PRMT8: variants seen among roughly 807,000 people sequenced by gnomAD.
The protein encoded by PRMT8 is protein arginine N-methyltransferase 8.
In PRMT8, 7 loss-of-function variants were observed where a neutral mutation model predicts 47.1. The observed-to-expected ratio is 0.15, with a 90% CI of 0.08 to 0.28. The LOEUF is 0.28. Ranked by LOEUF, PRMT8 falls within the 10% of genes least tolerant of loss-of-function variation. The pLI, the probability that PRMT8 is intolerant of heterozygous loss-of-function variation, is 1.00. For synonymous variants in PRMT8, 188 were observed against 186.5 expected, an observed-to-expected ratio of 1.01 and a Z score of -0.07; for missense variants, 237 against 505.4, an observed-to-expected ratio of 0.47 and a Z score of 5.09.
intron 7 of PRMT8, 82 bp from the exon 8 acceptor site, chr12:3,582,976 C>T (rs1273946586): frequency 6.7e-7 from 1 of 1,495,802 alleles, no homozygotes; most frequent in East Asian, 2.3e-5. Context: ...ACCACAGTCT[C>T]TCACAGAACG....
chr12:3,576,896 C>T lies in PRMT8; in HGVS notation c.738C>T (p.Asp246=). Residue 246 remains aspartate, a synonymous_variant, in exon 7 of 10, where the codon GAC becomes GAT. Coordinates refer to ENST00000382622, the MANE Select transcript of PRMT8 (RefSeq NM_019854.5). This position sits in a 1 kb window ranked among gnomAD's most constrained non-coding sequence, Gnocchi z 4.0. ...IHWWENVYGF[D]MTCIRDVAMK... is the part of the protein sequence containing the mutation. ...GGTGGGAGAATGTCTATGGCTTTGA[C>T]ATGACCTGCATCCGGGACGTGGCCA... The T allele has an allele frequency of 6.2e-7, 1 of 1,614,144 alleles. No homozygotes were observed. Among genetic ancestry groups the T allele is most frequent in the Non-Finnish European group, 8.5e-7 (1 of 1,180,010 alleles).
intron 7 of PRMT8, among the ~76,000 whole-genome samples, chr12:3,578,536 A>T (rs1322471152): frequency 1.3e-5 from 2 of 152,150 alleles, no homozygotes; most frequent in African/African-American, 4.8e-5. Context: ...GTTAATTTTT[A>T]AATTCAAAAA....
intron 1 of PRMT8, among the ~76,000 whole-genome samples, chr12:3,457,243 G>C (rs949157686): frequency 6.6e-6 from 1 of 152,168 alleles, no homozygotes; most frequent in African/African-American, 2.4e-5. Flanking sequence ...AGGCTGCCAG[G>C]CTTAGCCACA....
At chr12:3,555,517 C>G (rs577527396) in intron 4 of PRMT8, among the ~76,000 whole-genome samples, 88 of 152,282 alleles carry the variant, frequency 5.8e-4, no homozygotes, top group African/African-American at 2.0e-3. Context: ...AGGAGGGGAC[C>G]AGATCACACA....
At chr12:3,465,703 T>C (rs1169596735) in intron 1 of PRMT8, among the ~76,000 whole-genome samples, 1 of 152,158 alleles carries the variant, frequency 6.6e-6, no homozygotes, top group Non-Finnish European at 1.5e-5. Context: ...AATCTGATTT[T>C]TGAAAACGAA....
chr12:3,498,911 C>A (rs917426688), intron 1 of PRMT8, among the ~76,000 whole-genome samples: 5 of 152,122 alleles, frequency 3.3e-5, no homozygotes, highest in Non-Finnish European at 7.3e-5. Flanking sequence ...AGGGTTGGTT[C>A]CTCTTGAAGT....
Position 3,453,384 on chromosome 12 carries a change from T to A in PRMT8, c.48+71942T>A, listed in dbSNP as rs183787840. On this transcript the variant is annotated intron_variant, in intron 1 of 9. Coordinates refer to the PRMT8 transcript ENST00000452611. This position sits in a 1 kb window ranked among gnomAD's most constrained non-coding sequence, Gnocchi z 4.9. ...GGTAGAGTTTGCACTGGTGGCTGGG[T>A]GTCGCCGTCAGCAGGTGAGGGAGCG... Among the ~76,000 whole-genome samples, 56 of 152,228 alleles carry A rather than the reference T, an allele frequency of 3.7e-4. 1 individual carries two copies. In the South Asian group the frequency reaches 3.9e-3, roughly 11 times the overall value.
At chr12:3,565,482 A>G (rs1866704426) in intron 4 of PRMT8, among the ~76,000 whole-genome samples, 1 of 152,162 alleles carries the variant, frequency 6.6e-6, no homozygotes, top group Non-Finnish European at 1.5e-5. Context: ...CAAAGGGCTC[A>G]TCTCCTCACC....
rs145646136 is a variant in PRMT8 at position 3,484,768 on chromosome 12, G to T, written c.49-55838G>T. On this transcript the variant is annotated intron_variant, in intron 1 of 9. Coordinates refer to the PRMT8 transcript ENST00000452611. The stretch of plus-strand genomic sequence containing the variant: ...TCCCTCACACTTTGAAGCACGCTTT[G>T]ATAGGCTCCATTGGGAGGTTTTAAA... Among the ~76,000 whole-genome samples the T allele has an allele frequency of 2.4e-3, 368 of 152,360 alleles. 1 individual carries two copies. Among genetic ancestry groups the T allele is most frequent in the African/African-American group, 8.5e-3 (354 of 41,574 alleles).
At chr12:3,490,820 C>A (rs988315478), upstream of PRMT8, among the ~76,000 whole-genome samples, 2 of 151,014 alleles carry the variant, frequency 1.3e-5, no homozygotes, top group Non-Finnish European at 3.0e-5. Context: ...AATCGTAATT[C>A]GCCGAGGAAG....
At chr12:3,473,681 A>C (rs930347719) in intron 1 of PRMT8, among the ~76,000 whole-genome samples, 1 of 151,908 alleles carries the variant, frequency 6.6e-6, no homozygotes, top group African/African-American at 2.4e-5. Flanking sequence ...CCACCCCCAC[A>C]ACAAAGTTCC....
In PRMT8 at chr12:3,493,212, C is replaced by T. The variant is rs144693847; in HGVS notation, c.75+1512C>T. Among the ~76,000 whole-genome samples, 1 of 152,334 alleles carries T rather than the reference C, an allele frequency of 6.6e-6. No homozygotes were observed. The highest frequency in any genetic ancestry group is 1.5e-5 in the Non-Finnish European group (1 of 68,022). On this transcript the variant is annotated intron_variant, in intron 1 of 9. Coordinates refer to ENST00000382622, the MANE Select transcript of PRMT8 (RefSeq NM_019854.5). This position sits in a 1 kb window ranked among gnomAD's most constrained non-coding sequence, Gnocchi z 8.2. Reference sequence around the variant, plus strand: ...CTGCGTGCCCGCCGTCCCCTCACCACTTCCTCTTCCCCAGCCCCCACCTGA... The same window carrying T: ...CTGCGTGCCCGCCGTCCCCTCACCATTTCCTCTTCCCCAGCCCCCACCTGA...
chr12:3,390,042 G>C (rs954197171), intron 1 of PRMT8, among the ~76,000 whole-genome samples: 36 of 152,270 alleles, frequency 2.4e-4, no homozygotes, highest in African/African-American at 8.2e-4. Flanking sequence ...CCAGTGTCCA[G>C]AGCCGCCTGT....
rs1294237433 is a variant in PRMT8 at position 3,564,222 on chromosome 12, G to A, written c.482-4484G>A. 1.3e-5 allele frequency among the ~76,000 whole-genome samples: 2 copies of A among 152,086 alleles called. No homozygotes were observed. Among genetic ancestry groups the A allele is most frequent in the East Asian group, 3.9e-4 (2 of 5,184 alleles). On this transcript the variant is annotated intron_variant, in intron 4 of 9. Transcript: ENST00000382622. The surrounding 1 kb of genome is among the most constrained non-coding windows in gnomAD (Gnocchi z 4.0). ...GGCAGGGGGGTCAGGGGGCTTCATA[G>A]GCTCATAATATGTTCCCATGCCTGT...
intron 1 of PRMT8, among the ~76,000 whole-genome samples, chr12:3,414,199 A>G (rs1864461573): frequency 6.6e-6 from 1 of 152,232 alleles, no homozygotes; most frequent in Admixed American, 6.5e-5. Context: ...TCAATCAGGA[A>G]AGGCAGAAAA....
At chr12:3,466,114 T>G (rs1865095310) in intron 1 of PRMT8, among the ~76,000 whole-genome samples, 2 of 152,212 alleles carry the variant, frequency 1.3e-5, no homozygotes, top group South Asian at 4.1e-4. Flanking sequence ...CGCTGCACTG[T>G]GCCAAGCTCT....
At chr12:3,565,832 T>C (rs1008111659) in intron 4 of PRMT8, among the ~76,000 whole-genome samples, 1 of 152,200 alleles carries the variant, frequency 6.6e-6, no homozygotes, top group Non-Finnish European at 1.5e-5. Flanking sequence ...ATTTCATACA[T>C]ACCTGTTTGT....
intron 1 of PRMT8, among the ~76,000 whole-genome samples, chr12:3,465,777 G>A (rs73260048): frequency 0.031 from 4,664 of 152,260 alleles, 211 homozygotes; most frequent in African/African-American, 0.1. Flanking sequence ...GGGCATAGCC[G>A]TTTTGGCTTG....
chr12:3,494,704 A>T (rs1865478829), intron 1 of PRMT8, among the ~76,000 whole-genome samples: 1 of 152,212 alleles, frequency 6.6e-6, no homozygotes, highest in African/African-American at 2.4e-5. Flanking sequence ...AACTACTTAC[A>T]TTTTGACCAA....
Sources: allele counts gnomAD v4.1 joint callset (sites outside exome capture counted in the v4.1 genomes callset), GRCh38; gene constraint gnomAD v4.1.1; non-coding constraint Gnocchi (gnomAD v3.1); transcripts MANE v1.5; gene names NCBI Gene and HGNC (gene_info 2026-07-23, HGNC 2026-07-21).